ARFIP1: variants seen among roughly 807,000 people sequenced by gnomAD.
The protein encoded by ARFIP1 is ARF interacting protein 1.
In ARFIP1, 24 loss-of-function variants were observed where a neutral mutation model predicts 42.5. That is an observed-to-expected ratio of 0.57 (90% confidence interval 0.41 to 0.80). The LOEUF (loss-of-function observed/expected upper bound fraction) is 0.80, where lower values mean the gene tolerates loss of function less well. Ranked by LOEUF, ARFIP1 falls within the 30% of genes least tolerant of loss-of-function variation. The pLI is 0.00. For missense variants in ARFIP1, 354 were observed against 434.0 expected, an observed-to-expected ratio of 0.82 and a Z score of 1.64; for synonymous variants, 141 against 153.7, an observed-to-expected ratio of 0.92 and a Z score of 0.61.
chr4:152,907,312 A>T (rs1044339037), intron 8 of ARFIP1, among the ~76,000 whole-genome samples: 1 of 152,276 alleles, frequency 6.6e-6, no homozygotes, highest in African/African-American at 2.4e-5. Context: ...AACAAAGTTG[A>T]TGTAGACAGA....
intron 1 of ARFIP1, among the ~76,000 whole-genome samples, chr4:152,826,706 C>T (rs975653395): frequency 6.6e-6 from 1 of 152,084 alleles, no homozygotes; most frequent in Non-Finnish European, 1.5e-5. Flanking sequence ...GAATTGAAAG[C>T]AGGATCTTGC....
At chr4:152,875,123 G>A (rs1458380443) in intron 5 of ARFIP1, among the ~76,000 whole-genome samples, 1 of 151,666 alleles carries the variant, frequency 6.6e-6, no homozygotes, top group African/African-American at 2.4e-5. Context: ...GTTAATTTTG[G>A]TCCCAAGACC....
At chr4:152,818,447 C>T (rs889585598) in intron 1 of ARFIP1, among the ~76,000 whole-genome samples, 2 of 152,172 alleles carry the variant, frequency 1.3e-5, no homozygotes, top group South Asian at 2.1e-4. Context: ...TTTGCATGCA[C>T]GCCCAGACTC....
At chr4:152,801,141 T>C (rs1728388844) in intron 1 of ARFIP1, among the ~76,000 whole-genome samples, 1 of 152,136 alleles carries the variant, frequency 6.6e-6, no homozygotes, top group African/African-American at 2.4e-5. Flanking sequence ...GTTAAAGATA[T>C]ACGTAAGTTA....
At chr4:152,888,430 A>G (rs1736449982) in intron 8 of ARFIP1, 123 bp downstream of exon 8, 1 of 698,328 alleles carries the variant, frequency 1.4e-6, no homozygotes, top group East Asian at 2.9e-5. Context: ...TTCCATTTGT[A>G]ATCAGTGTTT....
intron 2 of ARFIP1, among the ~76,000 whole-genome samples, chr4:152,863,302 T>C (rs1258040387): frequency 6.6e-6 from 1 of 152,248 alleles, no homozygotes; most frequent in Non-Finnish European, 1.5e-5. Context: ...CTCATTAAAA[T>C]AATTTTTCTG....
chr4:152,841,987 T>G (rs981934243), intron 2 of ARFIP1, among the ~76,000 whole-genome samples: 1 of 152,118 alleles, frequency 6.6e-6, no homozygotes, highest in Non-Finnish European at 1.5e-5. Context: ...CACTTGGGTT[T>G]TCCTGTTGAG....
chr4:152,832,010 T>C (rs1173882481), intron 2 of ARFIP1, among the ~76,000 whole-genome samples: 1 of 152,044 alleles, frequency 6.6e-6, no homozygotes, highest in Non-Finnish European at 1.5e-5. Context: ...AGTTTGTATA[T>C]CCATTCTTCA....
rs543172063 is a variant in ARFIP1 at position 152,796,725 on chromosome 4, C to G, written c.-10+16499C>G. ...CCTTCAGACCAATCATTTTCTTTGC[C>G]TTCTTTGAACATTCTTGAGCTTCTC... On this transcript the variant is annotated intron_variant, in intron 1 of 8. Coordinates refer to ENST00000353617, the MANE Select transcript of ARFIP1 (RefSeq NM_001025595.3). 8.5e-6 allele frequency: 7 copies of G among 822,040 alleles called. No homozygotes were observed. The Admixed American group carries it at 1.1e-4, about 12-fold the overall frequency. The allele number at this position is 822,040 out of a possible 1,614,324, so 50.9% of individuals were successfully genotyped here. A position where few individuals can be genotyped will look rare whatever the true frequency, so the allele number is the denominator to read the frequency against.
intron 1 of ARFIP1, among the ~76,000 whole-genome samples, chr4:152,783,422 T>TA (rs552303931): frequency 1.3e-5 from 2 of 152,246 alleles, no homozygotes; most frequent in South Asian, 4.1e-4. Flanking sequence ...TTTATTTGCT[T>TA]ACCATGTGCA....
intron 1 of ARFIP1, among the ~76,000 whole-genome samples, chr4:152,812,221 T>A (rs4696359): frequency 7.9e-5 from 12 of 152,158 alleles, no homozygotes. Flanking sequence ...TTGAGATGAG[T>A]TCTTGCTGCG....
intron 1 of ARFIP1, among the ~76,000 whole-genome samples, chr4:152,829,181 C>T (rs565909707): frequency 2.0e-5 from 3 of 152,164 alleles, no homozygotes; most frequent in Admixed American, 6.5e-5. Context: ...CACTTGTCAA[C>T]TAAAGTTTGT....
intron 5 of ARFIP1, among the ~76,000 whole-genome samples, chr4:152,877,875 G>A (rs1735498967): frequency 6.6e-6 from 1 of 152,152 alleles, no homozygotes; most frequent in Admixed American, 6.5e-5. Flanking sequence ...CATGTAAGAA[G>A]TGCCTTTTGC....
chr4:152,871,857 G>C (rs1010671634), intron 4 of ARFIP1, among the ~76,000 whole-genome samples: 2 of 148,522 alleles, frequency 1.3e-5, no homozygotes, highest in African/African-American at 5.0e-5. Flanking sequence ...CCTTTTTTTT[G>C]TGGTCTCTTG....
At chr4:152,863,461 A>G in intron 2 of ARFIP1, 145 bp from the exon 3 acceptor site, 2 of 515,816 alleles carry the variant, frequency 3.9e-6, no homozygotes, top group Non-Finnish European at 6.9e-6. Flanking sequence ...ACATCATTAT[A>G]GAATGCCATG....
intron 1 of ARFIP1, among the ~76,000 whole-genome samples, chr4:152,823,150 A>G (rs1730528222): frequency 6.6e-6 from 1 of 152,224 alleles, no homozygotes; most frequent in Non-Finnish European, 1.5e-5. Context: ...ACTACTCGCT[A>G]GATGAACCAA....
chr4:152,866,778 G>A (rs888799138), intron 3 of ARFIP1, among the ~76,000 whole-genome samples: 1 of 151,846 alleles, frequency 6.6e-6, no homozygotes, highest in African/African-American at 2.4e-5. Flanking sequence ...TCACTTCTCA[G>A]ACGGGGCTGC....
chr4:152,804,129 T>C lies in ARFIP1; in HGVS notation c.-10+23903T>C, dbSNP rs28398251. Among the ~76,000 whole-genome samples, 11 of 118,466 alleles carry C rather than the reference T, an allele frequency of 9.3e-5. 1 individual carries two copies. Among genetic ancestry groups the C allele is most frequent in the African/African-American group, 3.1e-4 (9 of 29,034 alleles). The allele number at this position is 118,466 out of a possible 152,430, so 77.7% of individuals were successfully genotyped here. On this transcript the variant is annotated intron_variant, in intron 1 of 8. Transcript: ENST00000353617. ...ATATAATATAACATGTATTATATAT[T>C]ATATATAATATAACATGTATTATAT... is the stretch of plus-strand genomic sequence containing the variant.
chr4:152,882,702 A>G (rs773394389), intron 6 of ARFIP1, 21 bp from the exon 7 acceptor site: 2 of 1,607,000 alleles, frequency 1.2e-6, no homozygotes, highest in African/African-American at 1.3e-5. Flanking sequence ...TGAATAAATT[A>G]AGGTGACTTC....
Sources: gnomAD v4.1 joint callset for allele counts (sites outside exome capture counted in the v4.1 genomes callset) on GRCh38, gnomAD v4.1.1 for gene constraint, MANE v1.5 for transcripts, NCBI Gene and HGNC (gene_info 2026-07-23, HGNC 2026-07-21) for gene names.